ERP44: variants seen among roughly 807,000 people sequenced by gnomAD.
ERP44 encodes endoplasmic reticulum resident protein 44.
ERP44 carries 25 observed loss-of-function variants against 53.4 expected under a neutral mutation model. That is an observed-to-expected ratio of 0.47 (90% CI 0.34 to 0.65). ERP44 has a LOEUF of 0.65. ERP44 is among the 30% of genes least tolerant of loss of function. The pLI is 0.01. For missense variants in ERP44, 338 were observed against 493.2 expected, an observed-to-expected ratio of 0.69 and a Z score of 2.98; for synonymous variants, 145 against 161.2, an observed-to-expected ratio of 0.90 and a Z score of 0.76.
At chr9:99,998,964 T>C in intron 10 of ERP44, 4 of 1,490,650 alleles carry the variant, frequency 2.7e-6, no homozygotes, top group Non-Finnish European at 3.7e-6. Flanking sequence ...AAAGTTTTTA[T>C]ATTCTGGATC....
At chr9:100,057,490 C>T (rs904076751) in intron 3 of ERP44, among the ~76,000 whole-genome samples, 1 of 152,196 alleles carries the variant, frequency 6.6e-6, no homozygotes, top group Non-Finnish European at 1.5e-5. Flanking sequence ...ATACCCAAAT[C>T]ATGACTTATA....
chr9:100,062,169 G>A (rs1397586754), intron 1 of ERP44, among the ~76,000 whole-genome samples: 2 of 152,286 alleles, frequency 1.3e-5, no homozygotes, highest in South Asian at 2.1e-4. Context: ...CCAGTCGTAT[G>A]TCTGTACATC....
chr9:100,002,189 A>G (rs987308423), intron 10 of ERP44, among the ~76,000 whole-genome samples: 16 of 150,106 alleles, frequency 1.1e-4, no homozygotes, highest in Non-Finnish European at 5.9e-5. Context: ...TTCTGGTGTC[A>G]TAATTTACAT....
At chr9:100,028,503 T>G (rs1003040366) in intron 4 of ERP44, among the ~76,000 whole-genome samples, 1 of 152,252 alleles carries the variant, frequency 6.6e-6, no homozygotes, top group Non-Finnish European at 1.5e-5. Flanking sequence ...TGTGTACATG[T>G]GTGTCTATGT....
At chr9:100,061,200 T>C (rs1002666701) in intron 1 of ERP44, among the ~76,000 whole-genome samples, 6 of 152,102 alleles carry the variant, frequency 3.9e-5, no homozygotes, top group African/African-American at 1.4e-4. Flanking sequence ...CCCAGCACTT[T>C]GAGAGGCCAA....
intron 3 of ERP44, among the ~76,000 whole-genome samples, chr9:100,057,284 T>TCTACACC (rs1826096189): frequency 6.6e-6 from 1 of 152,202 alleles, no homozygotes; most frequent in Non-Finnish European, 1.5e-5. Context: ...ACCATGTTGT[T>TCTACACC]CTAGATGCTG....
At chr9:100,057,679 CT>C in intron 3 of ERP44, 140 bp downstream of exon 3, 1 of 654,974 alleles carries the variant, frequency 1.5e-6, no homozygotes, top group Non-Finnish European at 2.7e-6. Context: ...AACTACTTCC[CT>C]TGTGGATGAA....
intron 8 of ERP44, among the ~76,000 whole-genome samples, chr9:100,014,309 G>A (rs149537910): frequency 1.1e-4 from 17 of 152,120 alleles, no homozygotes; most frequent in African/African-American, 2.7e-4. Flanking sequence ...TTGGAGGGAC[G>A]GGGTCTCACT....
chr9:100,055,767 T>A (rs1176644554), intron 3 of ERP44, among the ~76,000 whole-genome samples: 1 of 152,208 alleles, frequency 6.6e-6, no homozygotes, highest in African/African-American at 2.4e-5. Flanking sequence ...AGGTAATTTT[T>A]AAAAAATAGT....
chr9:100,093,166 T>TA (rs1008287760), intron 1 of ERP44, among the ~76,000 whole-genome samples: 1 of 152,118 alleles, frequency 6.6e-6, no homozygotes, highest in Non-Finnish European at 1.5e-5. Context: ...ATAATGCTAT[T>TA]AAAAATCACA....
At chr9:100,020,757 T>C (rs1356929042) in intron 5 of ERP44, 26 bp from the exon 6 acceptor site, 5 of 1,196,234 alleles carry the variant, frequency 4.2e-6, no homozygotes, top group Non-Finnish European at 5.0e-6. Context: ...TGCAATTATT[T>C]TGCAAACATA....
intron 1 of ERP44, among the ~76,000 whole-genome samples, chr9:100,067,548 C>T (rs900182498): frequency 2.3e-4 from 35 of 152,206 alleles, no homozygotes; most frequent in Non-Finnish European, 4.9e-4. Flanking sequence ...CCACAACCTC[C>T]ACCTCCCAGC....
intron 10 of ERP44, among the ~76,000 whole-genome samples, chr9:99,985,487 T>C (rs1830186803): frequency 6.6e-6 from 1 of 152,254 alleles, no homozygotes; most frequent in African/African-American, 2.4e-5. Context: ...CTGAAAACTA[T>C]GCAGCTTTGT....
intron 4 of ERP44, among the ~76,000 whole-genome samples, chr9:100,026,166 T>G (rs2118662931): frequency 6.6e-6 from 1 of 152,302 alleles, no homozygotes; most frequent in Admixed American, 6.5e-5. Flanking sequence ...GAGAAATGTC[T>G]CCAGAGGACA....
chr9:100,022,007 A>G (rs748278636), intron 5 of ERP44, 35 bp downstream of exon 5: 56 of 1,571,000 alleles, frequency 3.6e-5, no homozygotes, highest in Non-Finnish European at 4.8e-5. Context: ...TTAATCAGGG[A>G]ATGTTTGTTT....
At position 99,979,892 on chromosome 9, in the gene ERP44, A is replaced by G. The variant is rs1830130067; in HGVS notation, c.*2720T>C. The stretch of plus-strand genomic sequence containing the variant: ...ATACTTCCTTGCTTGCAATCTGTTG[A>G]TGGATCTCTTCTGCCTACAATATAT... On this transcript the variant is annotated 3_prime_UTR_variant, in exon 12 of 12. Coordinates refer to ENST00000262455, the MANE Select transcript of ERP44 (RefSeq NM_015051.3). The G allele has an allele frequency of 2.5e-6, 1 of 398,342 alleles. No homozygotes were observed. Among genetic ancestry groups the G allele is most frequent in the Non-Finnish European group, 4.4e-6 (1 of 225,928 alleles). 24.7% of individuals were successfully genotyped at this position (398,342 alleles called of 1,614,324 possible).
intron 10 of ERP44, among the ~76,000 whole-genome samples, chr9:100,001,320 C>T (rs1383195765): frequency 6.6e-6 from 1 of 152,112 alleles, no homozygotes; most frequent in South Asian, 2.1e-4. Context: ...TATCTTGCTT[C>T]AGTTGAATAG....
In ERP44 at chr9:99,985,005, G is replaced by A. The variant is rs1830181473; in HGVS notation, c.1081C>T (p.His361Tyr). 1 of 1,613,382 alleles carries A rather than the reference G, an allele frequency of 6.2e-7. No individual in the cohort carries two copies. Among genetic ancestry groups the A allele is most frequent in the African/African-American group, 1.3e-5 (1 of 74,914 alleles). ...LHSGKLHREF[H>Y]HGPDPTDTAP... ...GTATCAGTTGGGTCAGGTCCATGAT[G>A]GAATTCTCTGTGCAGTTTTCCAGAA... The change falls in exon 11 of 12, where the codon CAT becomes TAT. Residue 361 changes from histidine (H) to tyrosine (Y), a missense_variant. By Grantham distance (83) the His-to-Tyr change is moderately conservative (BLOSUM62 2). Around this residue, in one of 3 missense-constraint regions of ERP44, gnomAD observed 113 missense variants for 172.6 expected, o/e 0.65. Transcript: ENST00000262455.
intron 1 of ERP44, among the ~76,000 whole-genome samples, chr9:100,062,459 C>A (rs946411843): frequency 1.3e-5 from 2 of 152,106 alleles, no homozygotes; most frequent in Non-Finnish European, 2.9e-5. Context: ...GATTTTACAC[C>A]TGTGTGCTAA....
Sources: gnomAD v4.1 joint callset for allele counts (sites outside exome capture counted in the v4.1 genomes callset) on GRCh38, gnomAD v4.1.1 for gene constraint, gnomAD v4.1.1 regional missense constraint, MANE v1.5 for transcripts, NCBI Gene and HGNC (gene_info 2026-07-23, HGNC 2026-07-21) for gene names.